Variants in SLC17A5 observed in about 807,000 individuals in gnomAD.
SLC17A5 encodes solute carrier family 17 member 5.
Under a neutral mutation model 59.4 loss-of-function variants are expected in SLC17A5, and 47 were observed. The ratio of observed to expected loss-of-function variants is 0.79; its 90% CI spans 0.63 to 1.01. SLC17A5 has a LOEUF of 1.01. Among genes scored for constraint, SLC17A5 ranks in the 50% least tolerant of loss-of-function variants. The pLI, the probability that SLC17A5 is intolerant of heterozygous loss-of-function variation, is 0.00. For missense variants in SLC17A5, 522 were observed against 595.5 expected (o/e 0.88, Z 1.28); for synonymous variants, 202 against 210.7 (o/e 0.96, Z 0.36).
chr6:73,628,953 A>G (rs901562515), intron 6 of SLC17A5, among the ~76,000 whole-genome samples: 6 of 152,264 alleles, frequency 3.9e-5, no homozygotes, highest in African/African-American at 1.4e-4. Context: ...GCAAAGTTAC[A>G]TGTAAAAAAT....
At chr6:73,605,799 G>C (rs1767365003) in intron 9 of SLC17A5, among the ~76,000 whole-genome samples, 1 of 151,938 alleles carries the variant, frequency 6.6e-6, no homozygotes, top group African/African-American at 2.4e-5. Flanking sequence ...CCAACATGGA[G>C]AAACTCCCTC....
intron 7 of SLC17A5, among the ~76,000 whole-genome samples, chr6:73,617,572 G>A (rs1383237737): frequency 1.3e-5 from 2 of 151,876 alleles, no homozygotes; most frequent in Admixed American, 6.6e-5. Context: ...GGCTAGGCAC[G>A]GTGGCTCATG....
chr6:73,615,558 A>G (rs993619859), intron 7 of SLC17A5, 111 bp from the exon 8 acceptor site: 3 of 1,040,574 alleles, frequency 2.9e-6, no homozygotes, highest in Non-Finnish European at 4.3e-6. Flanking sequence ...ATGCATAGCA[A>G]TATGTTGTTA....
chr6:73,633,429 G>A (rs767892358), intron 6 of SLC17A5, among the ~76,000 whole-genome samples: 3 of 151,712 alleles, frequency 2.0e-5, no homozygotes, highest in Non-Finnish European at 2.9e-5. Flanking sequence ...ATGGGGTCTC[G>A]CTATGTTGTC....
chr6:73,603,355 T>C (rs1767240182), intron 9 of SLC17A5, among the ~76,000 whole-genome samples: 6 of 150,920 alleles, frequency 4.0e-5, no homozygotes, highest in Admixed American at 4.0e-4. Flanking sequence ...AATTGCCAAA[T>C]TGCTGGGATT....
chr6:73,646,504 AG>A (rs1769571760), intron 1 of SLC17A5, among the ~76,000 whole-genome samples: 1 of 152,164 alleles, frequency 6.6e-6, no homozygotes, highest in Non-Finnish European at 1.5e-5. Context: ...CCACTACCAT[AG>A]TTAGATCCAG....
At chr6:73,616,896 C>T (rs1327795214) in intron 7 of SLC17A5, among the ~76,000 whole-genome samples, 6 of 152,012 alleles carry the variant, frequency 3.9e-5, no homozygotes, top group Admixed American at 6.6e-5. Flanking sequence ...GATGAGCCAC[C>T]GCGCCTGGCC....
At chr6:73,649,236 A>C (rs913177288) in intron 1 of SLC17A5, among the ~76,000 whole-genome samples, 1 of 152,186 alleles carries the variant, frequency 6.6e-6, no homozygotes, top group Non-Finnish European at 1.5e-5. Context: ...GACCTCAGGC[A>C]ATCCGCCCAC....
chr6:73,644,415 T>G lies in SLC17A5; in HGVS notation c.283A>C (p.Asn95His), dbSNP rs994224076. 8 of 1,612,900 alleles carry G rather than the reference T, an allele frequency of 5.0e-6. No individual in the cohort carries two copies. In the South Asian group the frequency reaches 8.8e-5, roughly 18 times the overall value. The change falls in exon 2 of 11, where the codon AAT becomes CAT. Residue 95 changes from asparagine to histidine, a missense_variant. Asn to His is a moderately conservative substitution (Grantham distance 68, BLOSUM62 1). Coordinates refer to ENST00000355773, the MANE Select transcript of SLC17A5 (RefSeq NM_012434.5). ...EHSAPIKVHH[N>H]QTGKKYQWDA... ...TAAAAAATAGCACCTACCGTTTGAT[T>G]ATGATGAACTTTTATGGGAGCAGAA...
chr6:73,645,253 G>T (rs896109563), intron 1 of SLC17A5: 263 of 900,102 alleles, frequency 2.9e-4, no homozygotes, highest in Non-Finnish European at 3.4e-4. Context: ...TACTGCCAAG[G>T]GTAGGGCATG....
chr6:73,650,131 C>G (rs145058681), intron 1 of SLC17A5, among the ~76,000 whole-genome samples: 1 of 146,430 alleles, frequency 6.8e-6, no homozygotes, highest in East Asian at 2.0e-4. Context: ...GAGGCTGACG[C>G]AGGAGGATCA....
At position 73,598,363 on chromosome 6, in the gene SLC17A5, G is replaced by C. The variant is rs373280189; in HGVS notation, c.1350+1988C>G. ...AAGAAATTACAGGCTGGGCGCGGTGGCTCATGCCTGATATCCCAGCACTTT... is the reference window on the plus strand; with the variant it reads ...AAGAAATTACAGGCTGGGCGCGGTGCCTCATGCCTGATATCCCAGCACTTT... On this transcript the variant is annotated intron_variant, in intron 10 of 10. Coordinates refer to ENST00000355773, the MANE Select transcript of SLC17A5 (RefSeq NM_012434.5). Among the ~76,000 whole-genome samples, 6 of 152,228 alleles carry C rather than the reference G, an allele frequency of 3.9e-5. No homozygotes were observed. The East Asian group carries it at 5.8e-4, about 15-fold the overall frequency.
intron 6 of SLC17A5, among the ~76,000 whole-genome samples, chr6:73,628,897 A>T (rs1768559747): frequency 6.9e-6 from 1 of 145,022 alleles, no homozygotes; most frequent in South Asian, 2.1e-4. Flanking sequence ...TATGCCATTT[A>T]AAAAAAATTT....
chr6:73,603,622 G>A (rs1043947269), intron 9 of SLC17A5, among the ~76,000 whole-genome samples: 2 of 151,588 alleles, frequency 1.3e-5, no homozygotes, highest in Middle Eastern at 3.4e-3. Flanking sequence ...GTTTCACCAC[G>A]TTGGTTAGGC....
chr6:73,594,975 A>G lies in SLC17A5; in HGVS notation c.*102T>C, dbSNP rs1561981885. On this transcript the variant is annotated 3_prime_UTR_variant, in exon 11 of 11. Transcript: ENST00000355773. ...GCCTTAAAAATCTAATACAAGTACA[A>G]TTAAAAAAAGACATAGAATGCTTAC... 7.8e-7 allele frequency: 1 copy of G among 1,285,140 alleles called. No homozygotes were observed. 79.6% of individuals were successfully genotyped at this position (1,285,140 alleles called of 1,614,324 possible).
At chr6:73,607,911 A>G (rs639256) in intron 9 of SLC17A5, among the ~76,000 whole-genome samples, 16,254 of 151,008 alleles carry the variant, frequency 0.11, 1,048 homozygotes, top group Middle Eastern at 0.18. Context: ...TGAGAAGCTG[A>G]GACTACAGGT....
At chr6:73,599,542 T>G (rs1766963177) in intron 10 of SLC17A5, among the ~76,000 whole-genome samples, 1 of 152,252 alleles carries the variant, frequency 6.6e-6, no homozygotes, top group Non-Finnish European at 1.5e-5. Flanking sequence ...GTGAGCTGAC[T>G]TAGGTTCTGG....
chr6:73,618,922 T>A (rs1471004516), intron 7 of SLC17A5, among the ~76,000 whole-genome samples: 1 of 152,118 alleles, frequency 6.6e-6, no homozygotes, highest in Non-Finnish European at 1.5e-5. Context: ...AGATGGGATT[T>A]CACCGTGTTG....
chr6:73,649,475 T>G (rs953381077), intron 1 of SLC17A5, among the ~76,000 whole-genome samples: 15 of 152,072 alleles, frequency 9.9e-5, no homozygotes, highest in South Asian at 6.2e-4. Flanking sequence ...TGTGGTGTTG[T>G]GCACCTGTAA....
Sources: allele counts gnomAD v4.1 joint callset (sites outside exome capture counted in the v4.1 genomes callset), GRCh38; gene constraint gnomAD v4.1.1; transcripts MANE v1.5; gene names NCBI Gene and HGNC (gene_info 2026-07-23, HGNC 2026-07-21).